Variants in PHACTR1 observed in about 807,000 individuals in gnomAD.
PHACTR1 encodes the protein phosphatase and actin regulator 1, also known as RPEL repeat containing 1.
Under a neutral mutation model 69.2 loss-of-function variants are expected in PHACTR1, and 16 were observed. The ratio of observed to expected loss-of-function variants is 0.23; its 90% CI spans 0.16 to 0.35. PHACTR1 has a LOEUF of 0.35. Ranked by LOEUF, PHACTR1 falls within the 10% of genes least tolerant of loss-of-function variation. PHACTR1 has a pLI of 1.00. For missense variants in PHACTR1, 510 were observed against 734.7 expected (o/e 0.69, Z 3.54); for synonymous variants, 312 against 284.5 (o/e 1.10, Z -0.97).
At chr6:13,021,223 A>G (rs1394626472) in intron 4 of PHACTR1, among the ~76,000 whole-genome samples, 2 of 152,214 alleles carry the variant, frequency 1.3e-5, no homozygotes, top group Non-Finnish European at 2.9e-5. Context: ...AGGTTTCCCT[A>G]TTCTGGACAT....
At chr6:12,789,013 C>T (rs1277747670) in intron 4 of PHACTR1, among the ~76,000 whole-genome samples, 1 of 152,174 alleles carries the variant, frequency 6.6e-6, no homozygotes, top group Non-Finnish European at 1.5e-5. Flanking sequence ...GCATTTGCAT[C>T]AGCTGAGGTC....
At chr6:13,154,400 G>A (rs887930818) in intron 5 of PHACTR1, among the ~76,000 whole-genome samples, 35 of 152,032 alleles carry the variant, frequency 2.3e-4, no homozygotes, top group African/African-American at 8.5e-4. Flanking sequence ...CCTCAAGTGA[G>A]GCCCACCTCA....
At chr6:13,189,454 A>C (rs1763223911) in intron 7 of PHACTR1, among the ~76,000 whole-genome samples, 1 of 150,866 alleles carries the variant, frequency 6.6e-6, no homozygotes, top group Non-Finnish European at 1.5e-5. Context: ...GCTAGAGTGC[A>C]GTAGCACAAT....
chr6:13,136,041 G>C (rs1032787126), intron 5 of PHACTR1, among the ~76,000 whole-genome samples: 1 of 152,018 alleles, frequency 6.6e-6, no homozygotes. Context: ...TTATATAAAA[G>C]TGAGATTATA....
At chr6:12,798,365 G>C (rs745690115) in intron 4 of PHACTR1, among the ~76,000 whole-genome samples, 1 of 151,882 alleles carries the variant, frequency 6.6e-6, no homozygotes, top group Non-Finnish European at 1.5e-5. Context: ...TTGAGGGGTA[G>C]AGATTACAAC....
chr6:12,860,023 A>C (rs1041982749), intron 4 of PHACTR1, among the ~76,000 whole-genome samples: 1 of 151,998 alleles, frequency 6.6e-6, no homozygotes, highest in Non-Finnish European at 1.5e-5. Flanking sequence ...TATTATTATT[A>C]TTAAGTTCTG....
intron 10 of PHACTR1, among the ~76,000 whole-genome samples, chr6:13,240,742 C>G (rs202061): frequency 0.14 from 22,002 of 152,186 alleles, 2,423 homozygotes; most frequent in African/African-American, 0.28. Flanking sequence ...CCACTGTACC[C>G]AGCCAGGATA....
At chr6:12,809,592 T>C (rs989747966) in intron 4 of PHACTR1, among the ~76,000 whole-genome samples, 74 of 152,252 alleles carry the variant, frequency 4.9e-4, no homozygotes, top group African/African-American at 1.8e-3. Flanking sequence ...TTCATTCAGC[T>C]TTTCCTCTAA....
chr6:12,749,372 G>A (rs1453735614), intron 3 of PHACTR1: 3 of 522,228 alleles, frequency 5.7e-6, no homozygotes, highest in Admixed American at 2.3e-5. Flanking sequence ...GGGGAGCCCC[G>A]GGCGCCAGCC....
chr6:13,055,091 CAG>C (rs1296222035), intron 5 of PHACTR1, among the ~76,000 whole-genome samples: 2 of 152,180 alleles, frequency 1.3e-5, no homozygotes, highest in Non-Finnish European at 2.9e-5. Context: ...AGAAAATCTG[CAG>C]AGTCTTGAAA....
intron 8 of PHACTR1, among the ~76,000 whole-genome samples, chr6:13,214,902 G>A (rs1767433496): frequency 6.6e-6 from 1 of 152,106 alleles, no homozygotes. Flanking sequence ...AAAATTTTAA[G>A]TACCATACAT....
At chr6:13,201,791 A>G (rs538907885) in intron 7 of PHACTR1, among the ~76,000 whole-genome samples, 2 of 152,312 alleles carry the variant, frequency 1.3e-5, no homozygotes, top group African/African-American at 2.4e-5. Context: ...GTAAAAATAT[A>G]CAAATAGGCA....
At chr6:13,092,149 C>T (rs1308807968) in intron 5 of PHACTR1, among the ~76,000 whole-genome samples, 2 of 152,148 alleles carry the variant, frequency 1.3e-5, no homozygotes, top group African/African-American at 4.8e-5. Context: ...GGAGACGGAG[C>T]TCAGGTGGTA....
chr6:12,729,818 A>G (rs531347192), intron 3 of PHACTR1, among the ~76,000 whole-genome samples: 9 of 152,232 alleles, frequency 5.9e-5, no homozygotes, highest in South Asian at 2.1e-4. Context: ...AGAGAATTCA[A>G]AAGGGGAGAG....
chr6:12,759,785 G>A (rs1767827521), intron 4 of PHACTR1, among the ~76,000 whole-genome samples: 3 of 152,176 alleles, frequency 2.0e-5, no homozygotes, highest in Non-Finnish European at 4.4e-5. Flanking sequence ...AAGTCATCAT[G>A]GGCCCTGCAA....
At chr6:12,857,992 G>A (rs577624997) in intron 4 of PHACTR1, among the ~76,000 whole-genome samples, 32 of 152,084 alleles carry the variant, frequency 2.1e-4, no homozygotes, top group Non-Finnish European at 4.0e-4. Context: ...GCCAGATACC[G>A]TTCCAGGCAT....
chr6:12,829,263 G>T (rs1777148569), intron 4 of PHACTR1, among the ~76,000 whole-genome samples: 1 of 152,134 alleles, frequency 6.6e-6, no homozygotes, highest in Admixed American at 6.6e-5. Context: ...GAAAAAGAGA[G>T]AAAAACAACA....
intron 4 of PHACTR1, among the ~76,000 whole-genome samples, chr6:12,750,120 G>A (rs574265091): frequency 3.2e-4 from 48 of 152,228 alleles, no homozygotes; most frequent in African/African-American, 1.0e-3. Flanking sequence ...CGCGGGGTCT[G>A]GCGAGGCTCC....
At chr6:13,043,247 C>T (rs1358388378) in intron 4 of PHACTR1, among the ~76,000 whole-genome samples, 1 of 152,128 alleles carries the variant, frequency 6.6e-6, no homozygotes, top group African/African-American at 2.4e-5. Flanking sequence ...GCCAACATGG[C>T]AAAACCCTGT....
Sources: gnomAD v4.1 joint callset for allele counts (sites outside exome capture counted in the v4.1 genomes callset) on GRCh38, gnomAD v4.1.1 for gene constraint, MANE v1.5 for transcripts, NCBI Gene and HGNC (gene_info 2026-07-23, HGNC 2026-07-21) for gene names.